ANKRD11: variants seen among roughly 807,000 people sequenced by gnomAD.
ANKRD11 encodes ankyrin repeat domain 11, also known as ankyrin repeat domain-containing protein 11.
In ANKRD11, 17 loss-of-function variants were observed where a neutral mutation model predicts 195.7. That is an observed-to-expected ratio of 0.09 (90% CI 0.06 to 0.13). ANKRD11 has a LOEUF of 0.13. Among genes scored for constraint, ANKRD11 ranks in the 10% least tolerant of loss-of-function variants. The pLI, the probability that ANKRD11 is intolerant of heterozygous loss-of-function variation, is 1.00. For synonymous variants in ANKRD11, 1,953 were observed against 1,528.1 expected, an observed-to-expected ratio of 1.28 and a Z score of -6.49; for missense variants, 3,735 against 3,566.1, an observed-to-expected ratio of 1.05 and a Z score of -1.21.
Position 89,274,966 on chromosome 16 carries a change from G to C in ANKRD11, c.7570-9C>G, listed in dbSNP as rs1375652889. ...GATACGATCAGCTTCTCCTGAAGGA[G>C]GAGAGGAGTAGAGTGAGCTGGGACA... On this transcript the variant is annotated splice_polypyrimidine_tract_variant and intron_variant, in intron 10 of 12. Coordinates refer to ENST00000301030, the MANE Select transcript of ANKRD11 (RefSeq NM_013275.6). The C allele has an allele frequency of 6.2e-7, 1 of 1,613,240 alleles. No individual in the cohort carries two copies. The highest frequency in any genetic ancestry group is 8.5e-7 in the Non-Finnish European group (1 of 1,180,014).
At chr16:89,379,226 A>G (rs2040545219) in intron 2 of ANKRD11, among the ~76,000 whole-genome samples, 1 of 152,232 alleles carries the variant, frequency 6.6e-6, no homozygotes, top group Admixed American at 6.5e-5. Flanking sequence ...CACCGTCTGT[A>G]TGTGCGTCAC....
At chr16:89,384,373 A>C (rs1477285402) in intron 2 of ANKRD11, among the ~76,000 whole-genome samples, 1 of 152,192 alleles carries the variant, frequency 6.6e-6, no homozygotes, top group Admixed American at 6.5e-5. Flanking sequence ...TCTATGAAAA[A>C]TACAAAAATT....
Position 89,280,741 on chromosome 16 carries a change from A to G in ANKRD11, c.5801T>C (p.Leu1934Pro), listed in dbSNP as rs1213155146. ...IPPEPSYLEP[L>P]DEGPFSAVIT... is the part of the protein sequence containing the mutation. The stretch of plus-strand genomic sequence containing the variant: ...GACGGCGCTGAAGGGACCCTCGTCC[A>G]GCGGCTCCAGGTAGCTGGGCTCCGG... Residue 1934 changes from leucine to proline, a missense_variant, in exon 9 of 13, where the codon CTG becomes CCG. Physicochemically the swap from Leu to Pro is moderately conservative, Grantham distance 98. Transcript: ENST00000301030. 3.7e-6 allele frequency: 6 copies of G among 1,613,424 alleles called. No homozygotes were observed. The highest frequency in any genetic ancestry group is 3.3e-5 in the Admixed American group (2 of 60,004).
rs138943221 is a variant in ANKRD11, at chr16:89,277,033, G to T, written c.7471-1842C>A. ...ATCACGCCACTGCACTCCAGCCTGG[G>T]TGACAGAGTGAGACTCTGTCTTAAA... is the stretch of plus-strand genomic sequence containing the variant. On this transcript the variant is annotated intron_variant, in intron 9 of 12. Coordinates refer to ENST00000301030, the MANE Select transcript of ANKRD11 (RefSeq NM_013275.6). Among the ~76,000 whole-genome samples, 937 of 148,264 alleles carry T rather than the reference G, an allele frequency of 6.3e-3. 8 individuals are homozygous for T. Among genetic ancestry groups the T allele is most frequent in the African/African-American group, 0.022 (898 of 40,004 alleles).
At position 89,283,397 on chromosome 16, in the gene ANKRD11, C is replaced by T; in HGVS notation, c.3145G>A (p.Asp1049Asn). 1.2e-6 allele frequency: 2 copies of T among 1,613,994 alleles called. No homozygotes were observed. The highest frequency in any genetic ancestry group is 1.7e-6 in the Non-Finnish European group (2 of 1,180,046). ...TTAAAACATTTATCAAATTCTTTGT[C>T]CTTCTGACATTTTTCCAGGATTGAT... Reference protein sequence around the residue: ...EKSILEKCQKDKEFDKCFKEK... With the variant: ...EKSILEKCQKNKEFDKCFKEK... Residue 1049 changes from aspartate to asparagine, a missense_variant, in exon 9 of 13, where the codon GAC becomes AAC. Physicochemically the swap from Asp to Asn is conservative, Grantham distance 23 (BLOSUM62 1). Coordinates refer to ENST00000301030, the MANE Select transcript of ANKRD11 (RefSeq NM_013275.6). The surrounding 1 kb of genome is among the most constrained non-coding windows in gnomAD (Gnocchi z 4.3).
intron 2 of ANKRD11, among the ~76,000 whole-genome samples, chr16:89,363,463 G>A (rs1278260803): frequency 7.3e-6 from 1 of 137,862 alleles, no homozygotes; most frequent in East Asian, 2.1e-4. Context: ...TACCCTAAAA[G>A]TATAATAATA....
At position 89,288,852 on chromosome 16, in the gene ANKRD11, C is replaced by G. The variant is rs2034834586; in HGVS notation, c.602-182G>C. ...CCAGAGAACCCCTAAATTCTCTTTA[C>G]TGTGGCACCTCGTTAGCACGATCCA... On this transcript the variant is annotated intron_variant, in intron 6 of 12. Coordinates refer to ENST00000301030, the MANE Select transcript of ANKRD11 (RefSeq NM_013275.6). 6.6e-6 allele frequency: 5 copies of G among 760,948 alleles called. No homozygotes were observed. The South Asian group carries it at 8.1e-5, about 12-fold the overall frequency. The allele number at this position is 760,948 out of a possible 1,614,324, so 47.1% of individuals were successfully genotyped here.
At chr16:89,451,039 A>G (rs1311292622) in intron 1 of ANKRD11, among the ~76,000 whole-genome samples, 2 of 151,744 alleles carry the variant, frequency 1.3e-5, no homozygotes, top group African/African-American at 4.9e-5. Context: ...TTATTGGAAC[A>G]CAGCCATACA....
intron 1 of ANKRD11, among the ~76,000 whole-genome samples, chr16:89,466,983 T>C (rs1252701237): frequency 6.6e-6 from 1 of 152,220 alleles, no homozygotes; most frequent in Non-Finnish European, 1.5e-5. Flanking sequence ...TAGCTTAAAC[T>C]CTGGTGTGAT....
chr16:89,397,310 C>T (rs145819697), intron 2 of ANKRD11, among the ~76,000 whole-genome samples: 1 of 152,266 alleles, frequency 6.6e-6, no homozygotes, highest in African/African-American at 2.4e-5. Context: ...AGGCCTCTCA[C>T]AAGTCCAACT....
At chr16:89,368,392 T>G (rs999763076) in intron 2 of ANKRD11, among the ~76,000 whole-genome samples, 70 of 140,066 alleles carry the variant, frequency 5.0e-4, no homozygotes, top group Non-Finnish European at 8.2e-4. Flanking sequence ...TTTTTTTTTT[T>G]TTTTTTTTTT....
chr16:89,485,458 C>T (rs1468215491), intron 1 of ANKRD11, among the ~76,000 whole-genome samples: 1 of 152,138 alleles, frequency 6.6e-6, no homozygotes, highest in Non-Finnish European at 1.5e-5. Flanking sequence ...CGTGCCACTG[C>T]ACTCCAGCCT....
intron 1 of ANKRD11, among the ~76,000 whole-genome samples, chr16:89,452,480 T>G (rs1294805974): frequency 6.6e-6 from 1 of 151,886 alleles, no homozygotes; most frequent in Non-Finnish European, 1.5e-5. Flanking sequence ...CCACAGCGGG[T>G]GAGGACACAG....
chr16:89,430,441 C>G (rs1331766250), intron 1 of ANKRD11, among the ~76,000 whole-genome samples: 1 of 149,992 alleles, frequency 6.7e-6, no homozygotes, highest in Non-Finnish European at 1.5e-5. Flanking sequence ...GGATTCTCAA[C>G]TCTCACGCTC....
Position 89,288,663 on chromosome 16 carries a change from C to T in ANKRD11, c.609G>A (p.Thr203=), listed in dbSNP as rs370940216. Reference sequence around the variant, plus strand: ...CCCGGTTACAGGCCTCGTGCAGCGCCGTCCAGCCTGGAAACAGACACTCAG... The same window carrying T: ...CCCGGTTACAGGCCTCGTGCAGCGCTGTCCAGCCTGGAAACAGACACTCAG... ...DVNVKDFAGW[T]ALHEACNRGY... is the part of the protein sequence containing the mutation. The change falls in exon 7 of 13, where the codon ACG becomes ACA. Residue 203 remains threonine (T), a synonymous_variant. Coordinates refer to ENST00000301030, the MANE Select transcript of ANKRD11 (RefSeq NM_013275.6). 7.4e-6 allele frequency: 12 copies of T among 1,613,964 alleles called. No homozygotes were observed. Among genetic ancestry groups the T allele is most frequent in the Non-Finnish European group, 6.8e-6 (8 of 1,180,044 alleles).
intron 1 of ANKRD11, among the ~76,000 whole-genome samples, chr16:89,462,667 C>A (rs1034438689): frequency 6.6e-6 from 1 of 151,374 alleles, no homozygotes; most frequent in African/African-American, 2.4e-5. Flanking sequence ...AAGTGAGGAG[C>A]GTCTCTGCCC....
intron 1 of ANKRD11, among the ~76,000 whole-genome samples, chr16:89,448,601 C>CAA (rs2043914687): frequency 6.6e-6 from 1 of 152,142 alleles, no homozygotes; most frequent in African/African-American, 2.4e-5. Flanking sequence ...AGGACATAAG[C>CAA]ACAAAAATAC....
Position 89,290,903 on chromosome 16 carries a change from C to A in ANKRD11, c.398-75G>T, listed in dbSNP as rs559061616. The A allele has an allele frequency of 4.5e-5, 72 of 1,608,922 alleles. No homozygotes were observed. The African/African-American group carries it at 9.1e-4, about 20-fold the overall frequency. On this transcript the variant is annotated intron_variant, in intron 5 of 12. Coordinates refer to ENST00000301030, the MANE Select transcript of ANKRD11 (RefSeq NM_013275.6). ...TTTGTCCAATCTTCAAGAGCCCAGG[C>A]CACCATCACGAGGTCCCTTTGCACA...
chr16:89,274,422 G>A (rs933796381), intron 11 of ANKRD11, among the ~76,000 whole-genome samples: 1 of 152,190 alleles, frequency 6.6e-6, no homozygotes. Context: ...GAAAGCCCTC[G>A]ATGTGGCAGC....
Sources: allele counts gnomAD v4.1 joint callset (sites outside exome capture counted in the v4.1 genomes callset), GRCh38; gene constraint gnomAD v4.1.1; non-coding constraint Gnocchi (gnomAD v3.1); transcripts MANE v1.5; gene names NCBI Gene and HGNC (gene_info 2026-07-23, HGNC 2026-07-21).